The following OR1J2 variants were observed in gnomAD, a reference collection of about 807,000 sequenced individuals.
The protein encoded by OR1J2 is olfactory receptor 1J2.
For missense variants in OR1J2, 304 were observed against 246.1 expected, an observed-to-expected ratio of 1.24 and a Z score of -1.57; for synonymous variants, 142 against 99.7, an observed-to-expected ratio of 1.42 and a Z score of -2.52.
At chr9:122,479,209 A>G in the OR1J2 span, among the ~76,000 whole-genome samples, 1 of 152,222 alleles carries the variant, frequency 6.6e-6, no homozygotes, top group Admixed American at 6.5e-5. Flanking sequence ...GCATTGGCTC[A>G]GTGAGATTTC....
At chr9:122,525,404 G>A in the OR1J2 span, among the ~76,000 whole-genome samples, 2 of 152,180 alleles carry the variant, frequency 1.3e-5, no homozygotes, top group African/African-American at 4.8e-5. Context: ...TAGGTAGCCA[G>A]TGGACACCTG....
chr9:122,547,394 A>G, the OR1J2 span, among the ~76,000 whole-genome samples: 1 of 152,180 alleles, frequency 6.6e-6, no homozygotes, highest in South Asian at 2.1e-4. Context: ...TTTTATTTGT[A>G]TAAACTTAGA....
upstream of OR1J2, among the ~76,000 whole-genome samples, chr9:122,505,952 C>T (rs923006923): frequency 6.6e-6 from 1 of 152,002 alleles, no homozygotes; most frequent in African/African-American, 2.4e-5. Flanking sequence ...GTCAATGAAA[C>T]AATAAAACCT....
chr9:122,499,545 G>C, the OR1J2 span, among the ~76,000 whole-genome samples: 1 of 152,072 alleles, frequency 6.6e-6, no homozygotes. Context: ...TCAGGTTGCT[G>C]GATGAAGCAA....
the OR1J2 span, among the ~76,000 whole-genome samples, chr9:122,570,938 TAGAG>T: frequency 2.6e-5 from 4 of 152,294 alleles, no homozygotes; most frequent in Admixed American, 1.3e-4. Flanking sequence ...ACAGGAGGCT[TAGAG>T]AGGTGAAGTG....
At chr9:122,521,159 G>T in the OR1J2 span, among the ~76,000 whole-genome samples, 1 of 152,194 alleles carries the variant, frequency 6.6e-6, no homozygotes. Flanking sequence ...TGAAGTAAAT[G>T]CAGTAATAAA....
At chr9:122,559,624 G>C in the OR1J2 span, among the ~76,000 whole-genome samples, 1 of 152,156 alleles carries the variant, frequency 6.6e-6, no homozygotes, top group Admixed American at 6.5e-5. Flanking sequence ...TTTCCATGTA[G>C]TTGTGTGTTT....
upstream of OR1J2, among the ~76,000 whole-genome samples, chr9:122,506,097 T>G (rs1032847726): frequency 1.3e-5 from 2 of 152,124 alleles, no homozygotes; most frequent in Non-Finnish European, 2.9e-5. Flanking sequence ...TGGGATATGG[T>G]TCTACCTAAA....
the OR1J2 span, chr9:122,553,966 T>C: frequency 1.2e-6 from 2 of 1,613,870 alleles, no homozygotes; most frequent in Non-Finnish European, 1.7e-6. Context: ...ACGGTGGTTC[T>C]GCTCTTCTAT....
chr9:122,457,374 A>G, the OR1J2 span, among the ~76,000 whole-genome samples: 1 of 152,206 alleles, frequency 6.6e-6, no homozygotes, highest in African/African-American at 2.4e-5. Flanking sequence ...ACTTAAAATA[A>G]GACAAAATTA....
At chr9:122,493,335 A>T in the OR1J2 span, among the ~76,000 whole-genome samples, 3 of 151,802 alleles carry the variant, frequency 2.0e-5, no homozygotes, top group Non-Finnish European at 2.9e-5. Context: ...TTGGTTTTGG[A>T]CTTTTCTTCG....
the OR1J2 span, chr9:122,568,549 G>T: frequency 2.3e-6 from 2 of 879,506 alleles, no homozygotes; most frequent in Non-Finnish European, 3.5e-6. Context: ...CCAATCATGA[G>T]AACCTAGCAA....
chr9:122,522,215 G>A, the OR1J2 span, among the ~76,000 whole-genome samples: 1 of 152,156 alleles, frequency 6.6e-6, no homozygotes, highest in African/African-American at 2.4e-5. Flanking sequence ...ATGAATGTGT[G>A]ATTTTTTTTC....
At chr9:122,466,364 T>C in the OR1J2 span, among the ~76,000 whole-genome samples, 1 of 152,218 alleles carries the variant, frequency 6.6e-6, no homozygotes. Flanking sequence ...GTTGTATTTG[T>C]AGAAAATTCT....
At chr9:122,568,125 A>C in the OR1J2 span, 1 of 1,614,094 alleles carries the variant, frequency 6.2e-7, no homozygotes, top group East Asian at 2.2e-5. Flanking sequence ...AAAGGCCATG[A>C]CTGCCAGAAG....
At chr9:122,453,853 G>T in the OR1J2 span, among the ~76,000 whole-genome samples, 3 of 152,238 alleles carry the variant, frequency 2.0e-5, no homozygotes, top group Admixed American at 2.0e-4. Context: ...TTTAACAATG[G>T]AGTGTCATCT....
the OR1J2 span, chr9:122,568,600 T>A: frequency 1.6e-6 from 1 of 633,000 alleles, no homozygotes; most frequent in Non-Finnish European, 2.7e-6. Flanking sequence ...GCTACTGTGC[T>A]AATTGTGGGA....
At chr9:122,491,485 T>A in the OR1J2 span, among the ~76,000 whole-genome samples, 1 of 151,998 alleles carries the variant, frequency 6.6e-6, no homozygotes, top group East Asian at 1.9e-4. Flanking sequence ...AAGGGAATAG[T>A]TGCTGAGGAC....
the OR1J2 span, chr9:122,553,464 C>A: frequency 6.2e-7 from 1 of 1,614,140 alleles, no homozygotes; most frequent in South Asian, 1.1e-5. Context: ...CCCCAAAATG[C>A]TGGCCAACAT....
Sources: allele counts gnomAD v4.1 joint callset (sites outside exome capture counted in the v4.1 genomes callset), GRCh38; gene constraint gnomAD v4.1.1; transcripts MANE v1.5; gene names NCBI Gene and HGNC (gene_info 2026-07-23, HGNC 2026-07-21).